Variants in ART3 observed in about 807,000 individuals in gnomAD.
ART3 encodes ecto-ADP-ribosyltransferase 3.
Under a neutral mutation model 48.5 loss-of-function variants are expected in ART3, and 49 were observed. The observed-to-expected ratio is 1.01, with a 90% CI of 0.80 to 1.28. The LOEUF (loss-of-function observed/expected upper bound fraction) is 1.28. Among genes scored for constraint, ART3 ranks in the 50% most tolerant of loss-of-function variants. The pLI, the probability that ART3 is intolerant of heterozygous loss-of-function variation, is 0.00. For synonymous variants in ART3, 145 were observed against 157.2 expected, an observed-to-expected ratio of 0.92 and a Z score of 0.58; for missense variants, 438 against 454.3, an observed-to-expected ratio of 0.96 and a Z score of 0.33.
intron 3 of ART3, among the ~76,000 whole-genome samples, chr4:76,096,455 G>A (rs1031634779): frequency 1.3e-5 from 2 of 152,204 alleles, no homozygotes; most frequent in Non-Finnish European, 2.9e-5. Context: ...GGCCTCTCTA[G>A]GGATTCTCCT....
chr4:76,019,198 C>A (rs1157154161), intron 1 of ART3, among the ~76,000 whole-genome samples: 2 of 151,550 alleles, frequency 1.3e-5, no homozygotes, highest in African/African-American at 4.8e-5. Flanking sequence ...TTTTGTAATA[C>A]TCAGGAAAGG....
At chr4:76,046,876 G>A (rs10002099) in intron 1 of ART3, among the ~76,000 whole-genome samples, 89,743 of 151,748 alleles carry the variant, frequency 0.59, 27,685 homozygotes, top group East Asian at 0.94. Flanking sequence ...CGGACCTTGA[G>A]GACAGTCATC....
chr4:76,093,912 C>T (rs1332823805), intron 3 of ART3, among the ~76,000 whole-genome samples: 1 of 152,110 alleles, frequency 6.6e-6, no homozygotes, highest in Non-Finnish European at 1.5e-5. Flanking sequence ...TATGTTGAAG[C>T]CCTAATCCTC....
At chr4:76,053,718 G>T (rs1304850209) in intron 1 of ART3, among the ~76,000 whole-genome samples, 1 of 152,200 alleles carries the variant, frequency 6.6e-6, no homozygotes, top group Non-Finnish European at 1.5e-5. Flanking sequence ...AAGTAGAAAT[G>T]ATCAAGTTCT....
chr4:76,030,474 A>G (rs1733779691), intron 1 of ART3, among the ~76,000 whole-genome samples: 1 of 152,162 alleles, frequency 6.6e-6, no homozygotes. Flanking sequence ...TCTTTTTATG[A>G]TAGTAAAATA....
At chr4:76,021,581 A>G (rs1249276529) in intron 1 of ART3, 3 of 236,768 alleles carry the variant, frequency 1.3e-5, no homozygotes, top group African/African-American at 5.1e-5. Flanking sequence ...GAGAATTCTG[A>G]TAAACCCCAA....
At chr4:76,062,199 G>T (rs997797181) in intron 1 of ART3, among the ~76,000 whole-genome samples, 1 of 152,140 alleles carries the variant, frequency 6.6e-6, no homozygotes, top group Non-Finnish European at 1.5e-5. Context: ...TTTTAGTTTT[G>T]CTTCCTATTT....
At chr4:76,042,688 G>T (rs547782431) in intron 1 of ART3, among the ~76,000 whole-genome samples, 8 of 152,046 alleles carry the variant, frequency 5.3e-5, no homozygotes, top group Non-Finnish European at 1.2e-4. Context: ...GTGGGTTCGT[G>T]GTCTCGCTGG....
intron 1 of ART3, among the ~76,000 whole-genome samples, chr4:76,044,980 A>G (rs533892305): frequency 6.6e-6 from 1 of 152,056 alleles, no homozygotes; most frequent in African/African-American, 2.4e-5. Context: ...GTAGGATTAG[A>G]TAAGCATACT....
intron 3 of ART3, among the ~76,000 whole-genome samples, chr4:76,087,514 C>G (rs1031601872): frequency 1.3e-5 from 2 of 152,108 alleles, no homozygotes; most frequent in African/African-American, 4.8e-5. Context: ...TCCATTGTGA[C>G]TGGATATAAC....
intron 1 of ART3, among the ~76,000 whole-genome samples, chr4:76,051,536 T>C (rs1578333125): frequency 6.6e-6 from 1 of 152,230 alleles, no homozygotes; most frequent in South Asian, 2.1e-4. Context: ...AGTTCCAAAG[T>C]GATGATGAAT....
At chr4:76,049,893 T>A (rs922094290) in intron 1 of ART3, among the ~76,000 whole-genome samples, 1 of 151,972 alleles carries the variant, frequency 6.6e-6, no homozygotes, top group Middle Eastern at 3.4e-3. Context: ...CGTCTGGAGT[T>A]TGTTCCTTCT....
intron 1 of ART3, among the ~76,000 whole-genome samples, chr4:76,049,668 A>G (rs992742482): frequency 6.6e-6 from 1 of 151,874 alleles, no homozygotes; most frequent in Non-Finnish European, 1.5e-5. Flanking sequence ...ATAGGACAGA[A>G]TAGCAAGCGA....
chr4:76,038,419 G>A (rs993479783), intron 1 of ART3, among the ~76,000 whole-genome samples: 1 of 152,156 alleles, frequency 6.6e-6, no homozygotes, highest in Admixed American at 6.5e-5. Flanking sequence ...ATCCCCCAAG[G>A]ATAAGGTGAG....
rs184161251 is a variant in ART3, at chr4:76,100,589, C to A, written c.878-206C>A. Among the ~76,000 whole-genome samples, 491 of 147,744 alleles carry A rather than the reference C, an allele frequency of 3.3e-3. 2 individuals carry two copies. The highest frequency in any genetic ancestry group is 7.5e-3 in the Middle Eastern group (2 of 268). On this transcript the variant is annotated intron_variant, in intron 6 of 11. Transcript: ENST00000355810. ...GAGGTTGCAGTGAGCTGAGATCGTG[C>A]CACAGCACTGTAGCCTGGAAACAGA...
Position 76,035,929 on chromosome 4 carries a change from T to G in ART3, c.-10+24609T>G, listed in dbSNP as rs926658384. On this transcript the variant is annotated intron_variant, in intron 1 of 9. Coordinates refer to the ART3 transcript ENST00000341029. ...GAGAAATAAAAATTACTGCATACCTTGAACAACTGTAGCACACAATATCAC... is the reference window on the plus strand; with the variant it reads ...GAGAAATAAAAATTACTGCATACCTGGAACAACTGTAGCACACAATATCAC... 14 of 1,612,982 alleles carry G rather than the reference T, an allele frequency of 8.7e-6. No individual in the cohort carries two copies. The Admixed American group carries it at 2.0e-4, about 23-fold the overall frequency.
At position 76,082,339 on chromosome 4, in the gene ART3, T is replaced by C; in HGVS notation, c.585T>C (p.Asn195=). ...ATTCAGCCAAACCTCAGGCTGCTAATGACCAGCTCACTGTGTTATCCATCT... is the reference window on the plus strand; with the variant it reads ...ATTCAGCCAAACCTCAGGCTGCTAACGACCAGCTCACTGTGTTATCCATCT... ...LAYSAKPQAA[N]DQLTVLSIYT... Residue 195 remains asparagine (N), a synonymous_variant, in exon 3 of 12, where the codon AAT becomes AAC. Coordinates refer to ENST00000355810, the MANE Select transcript of ART3 (RefSeq NM_001130016.3). The C allele has an allele frequency of 1.2e-6, 2 of 1,614,192 alleles. No homozygotes were observed. The highest frequency in any genetic ancestry group is 1.7e-6 in the Non-Finnish European group (2 of 1,180,026).
intron 1 of ART3, among the ~76,000 whole-genome samples, chr4:76,037,690 A>G (rs1451271214): frequency 1.3e-5 from 2 of 152,154 alleles, no homozygotes; most frequent in African/African-American, 4.8e-5. Context: ...AATTCTTAAA[A>G]TTCTTTAAAA....
At chr4:76,085,635 G>A (rs1454006364) in intron 3 of ART3, among the ~76,000 whole-genome samples, 1 of 152,134 alleles carries the variant, frequency 6.6e-6, no homozygotes, top group Non-Finnish European at 1.5e-5. Flanking sequence ...AAAGATAGGG[G>A]AAAAAAGACA....
Sources: gnomAD v4.1 joint callset for allele counts (sites outside exome capture counted in the v4.1 genomes callset) on GRCh38, gnomAD v4.1.1 for gene constraint, MANE v1.5 for transcripts, NCBI Gene and HGNC (gene_info 2026-07-23, HGNC 2026-07-21) for gene names.